Variants in CRK observed in about 807,000 individuals in gnomAD.
CRK encodes adapter molecule crk.
A neutral mutation model predicts 29.8 loss-of-function variants in CRK; 4 were observed. That is an observed-to-expected ratio of 0.13 (90% CI 0.07 to 0.31). CRK has a LOEUF of 0.31. Among genes scored for constraint, CRK ranks in the 10% least tolerant of loss-of-function variants. The pLI is 1.00. For synonymous variants in CRK, 153 were observed against 164.9 expected (o/e 0.93, Z 0.55); for missense variants, 274 against 396.5 (o/e 0.69, Z 2.62).
Position 1,437,001 on chromosome 17 carries a change from C to T in CRK, c.396G>A (p.Glu132=), listed in dbSNP as rs368739765. The change falls in exon 2 of 3, where the codon GAG becomes GAA. Residue 132 remains glutamate, a synonymous_variant. Coordinates refer to ENST00000300574, the MANE Select transcript of CRK (RefSeq NM_016823.4). ...AGAGGGCTCGCACATACTCCGCCTC[C>T]TCCTGCCTGAGAATCACTCCACTAC... ...RQGSGVILRQ[E]EAEYVRALFD... 56 of 1,614,068 alleles carry T rather than the reference C, an allele frequency of 3.5e-5. No homozygotes were observed. The highest frequency in any genetic ancestry group is 4.2e-5 in the Non-Finnish European group (49 of 1,180,052).
intron 2 of CRK, among the ~76,000 whole-genome samples, chr17:1,434,511 G>A (rs147477835): frequency 2.0e-5 from 3 of 152,232 alleles, no homozygotes; most frequent in African/African-American, 7.2e-5. Context: ...GGCCAGGCAC[G>A]ACAGCTCACA....
chr17:1,450,498 C>T (rs1270243339), intron 1 of CRK, among the ~76,000 whole-genome samples: 2 of 147,812 alleles, frequency 1.4e-5, no homozygotes, highest in Non-Finnish European at 3.0e-5. Context: ...GGCGACAGAG[C>T]GAGATTCTGT....
At position 1,435,465 on chromosome 17, in the gene CRK, AGG is replaced by A. The variant is rs111381288; in HGVS notation, c.777+1153_777+1154del. Among the ~76,000 whole-genome samples, 261 of 63,692 alleles carry A rather than the reference AGG, an allele frequency of 4.1e-3. 3 individuals carry two copies. Among genetic ancestry groups the A allele is most frequent in the African/African-American group, 0.028 (249 of 9,052 alleles). 41.8% of individuals were successfully genotyped at this position (63,692 alleles called of 152,430 possible). A position where few individuals can be genotyped will look rare whatever the true frequency, so the allele number is the denominator to read the frequency against. Reference sequence around the variant, plus strand: ...CAGATAAAAATAAAAAAAAGCAGAGAGGAAAAAAAAAAAAGAAAATAAAAAGG... The same window carrying A: ...CAGATAAAAATAAAAAAAAGCAGAGAAAAAAAAAAAAAGAAAATAAAAAGG... On this transcript the variant is annotated intron_variant, in intron 2 of 2. Coordinates refer to ENST00000300574, the MANE Select transcript of CRK (RefSeq NM_016823.4).
chr17:1,448,874 T>A (rs182810619), intron 1 of CRK, among the ~76,000 whole-genome samples: 2 of 151,832 alleles, frequency 1.3e-5, no homozygotes, highest in South Asian at 4.2e-4. Flanking sequence ...CTCTTTATTT[T>A]TTTCTCTATT....
intron 1 of CRK, among the ~76,000 whole-genome samples, chr17:1,451,595 T>G (rs2150914599): frequency 6.6e-6 from 1 of 152,258 alleles, no homozygotes; most frequent in Non-Finnish European, 1.5e-5. Flanking sequence ...TGTATGTGCC[T>G]GTAGTCCCAG....
intron 2 of CRK, among the ~76,000 whole-genome samples, chr17:1,427,030 C>CAAAAAAAA (rs562515421): frequency 7.1e-4 from 25 of 35,304 alleles, no homozygotes; most frequent in Non-Finnish European, 9.0e-4. Flanking sequence ...AAACTGTCTC[C>CAAAAAAAA]AAAAAAAAAA....
chr17:1,436,208 G>A (rs1049860398), intron 2 of CRK, among the ~76,000 whole-genome samples: 3 of 152,002 alleles, frequency 2.0e-5, no homozygotes, highest in Non-Finnish European at 4.4e-5. Context: ...AAGTTTTTGC[G>A]GGAAAATTCC....
chr17:1,424,271 T>G, intron 2 of CRK, among the ~76,000 whole-genome samples: 1 of 152,138 alleles, frequency 6.6e-6, no homozygotes, highest in Non-Finnish European at 1.5e-5. Flanking sequence ...TTCACCATCT[T>G]GGCCAGGCTG....
chr17:1,452,748 C>T (rs930119945), intron 1 of CRK, among the ~76,000 whole-genome samples: 16 of 151,936 alleles, frequency 1.1e-4, no homozygotes, highest in African/African-American at 3.6e-4. Flanking sequence ...CAATATCGCG[C>T]CATTGCGCTC....
chr17:1,431,023 A>C (rs183148955), intron 2 of CRK, among the ~76,000 whole-genome samples: 4,089 of 152,164 alleles, frequency 0.027, 87 homozygotes, highest in Non-Finnish European at 0.038. Context: ...AGCCGAGATC[A>C]CGCACTGCAC....
chr17:1,429,423 G>A (rs550250304), intron 2 of CRK, among the ~76,000 whole-genome samples: 21 of 152,106 alleles, frequency 1.4e-4, no homozygotes, highest in East Asian at 1.4e-3. Flanking sequence ...ATAGGCGCCC[G>A]CCACCATGCT....
chr17:1,443,866 A>AT (rs199670686), intron 1 of CRK, among the ~76,000 whole-genome samples: 3,252 of 147,614 alleles, frequency 0.022, 64 homozygotes, highest in Non-Finnish European at 0.028. Flanking sequence ...CGCCCGGCTA[A>AT]TTTTTTTGTA....
intron 1 of CRK, among the ~76,000 whole-genome samples, chr17:1,438,684 T>C (rs1303558890): frequency 1.3e-5 from 2 of 151,884 alleles, no homozygotes; most frequent in Non-Finnish European, 2.9e-5. Context: ...AGAAAGAACA[T>C]ATTACAAACG....
chr17:1,443,404 T>C (rs373602429), intron 1 of CRK, among the ~76,000 whole-genome samples: 3 of 151,968 alleles, frequency 2.0e-5, no homozygotes, highest in African/African-American at 7.2e-5. Context: ...TTTACTTTAT[T>C]ATCATTTTTT....
At chr17:1,439,874 T>G (rs1375812128) in intron 1 of CRK, among the ~76,000 whole-genome samples, 2 of 151,870 alleles carry the variant, frequency 1.3e-5, no homozygotes, top group South Asian at 4.2e-4. Context: ...TGAATTTTGT[T>G]GGGCGTGGTG....
chr17:1,428,853 CTTT>C (rs557419126), intron 2 of CRK, among the ~76,000 whole-genome samples: 1 of 144,174 alleles, frequency 6.9e-6, no homozygotes, highest in Non-Finnish European at 1.5e-5. Flanking sequence ...GATTCTCTCT[CTTT>C]TTTTTTTAGA....
intron 2 of CRK, among the ~76,000 whole-genome samples, chr17:1,431,067 AAAACAAAC>A (rs11273899): frequency 1.8e-4 from 27 of 150,686 alleles, no homozygotes; most frequent in African/African-American, 5.4e-4. Flanking sequence ...ACTCCGTCTC[AAAACAAAC>A]AAACAAACAA....
At chr17:1,437,739 T>G (rs1251108263) in intron 1 of CRK, among the ~76,000 whole-genome samples, 1 of 151,614 alleles carries the variant, frequency 6.6e-6, no homozygotes, top group Non-Finnish European at 1.5e-5. Context: ...CTGCAACCTC[T>G]GCCTCCCGGG....
intron 1 of CRK, among the ~76,000 whole-genome samples, chr17:1,449,982 T>A (rs953804875): frequency 3.9e-5 from 6 of 152,024 alleles, no homozygotes; most frequent in African/African-American, 1.4e-4. Flanking sequence ...GTGGATTACT[T>A]GAGGTCAGGA....
Sources: gnomAD v4.1 joint callset for allele counts (sites outside exome capture counted in the v4.1 genomes callset) on GRCh38, gnomAD v4.1.1 for gene constraint, MANE v1.5 for transcripts, NCBI Gene and HGNC (gene_info 2026-07-23, HGNC 2026-07-21) for gene names.